WDFY4: variants seen among roughly 807,000 people sequenced by gnomAD.
WDFY4 encodes WD repeat- and FYVE domain-containing protein 4.
In WDFY4, 169 loss-of-function variants were observed where a neutral mutation model predicts 351.9. That is an observed-to-expected ratio of 0.48 (90% CI 0.42 to 0.55). The LOEUF (loss-of-function observed/expected upper bound fraction) is 0.55, where lower values mean the gene tolerates loss of function less well. WDFY4 is among the 20% of genes least tolerant of loss of function. The probability of loss-of-function intolerance (pLI) is 0.00; values close to 1 mark genes in which losing one functional copy is unlikely to be tolerated. For missense variants in WDFY4, 3,803 were observed against 3,935.6 expected, an observed-to-expected ratio of 0.97 and a Z score of 0.90; for synonymous variants, 1,622 against 1,574.6, an observed-to-expected ratio of 1.03 and a Z score of -0.71.
intron 43 of WDFY4, 33 bp downstream of exon 43, chr10:48,877,232 T>G (rs899635641): frequency 5.9e-6 from 9 of 1,531,034 alleles, no homozygotes; most frequent in African/African-American, 1.4e-5. Flanking sequence ...CCTTTAAGAT[T>G]TTTAAGTTAG....
chr10:48,752,893 C>A (rs947921728), intron 12 of WDFY4, among the ~76,000 whole-genome samples: 1 of 152,002 alleles, frequency 6.6e-6, no homozygotes, highest in African/African-American at 2.4e-5. Flanking sequence ...GAATATATAC[C>A]TAGGAGTAGA....
At chr10:48,917,916 T>C (rs1838698783) in intron 47 of WDFY4, among the ~76,000 whole-genome samples, 1 of 152,218 alleles carries the variant, frequency 6.6e-6, no homozygotes, top group Admixed American at 6.5e-5. Context: ...GTTGTCAAAG[T>C]ATGTAGATGT....
rs572173980 is a variant in WDFY4 at position 48,964,675 on chromosome 10, C to G, written c.8436+621C>G. 1.8e-3 allele frequency among the ~76,000 whole-genome samples: 272 copies of G among 152,352 alleles called. 1 individual carries two copies. Among genetic ancestry groups the G allele is most frequent in the African/African-American group, 6.0e-3 (249 of 41,584 alleles). On this transcript the variant is annotated intron_variant, in intron 54 of 61. Coordinates refer to ENST00000325239, the MANE Select transcript of WDFY4 (RefSeq NM_001394531.1). ...CTCTGGTGAAATTGTGAAGTCTCACCTGGGCCTTCTACTCTGCTGGCTCTG... is the reference window on the plus strand; with the variant it reads ...CTCTGGTGAAATTGTGAAGTCTCACGTGGGCCTTCTACTCTGCTGGCTCTG...
At chr10:48,854,811 C>G (rs2069080934) in intron 39 of WDFY4, among the ~76,000 whole-genome samples, 1 of 152,192 alleles carries the variant, frequency 6.6e-6, no homozygotes, top group South Asian at 2.1e-4. Flanking sequence ...AGGCCTATCC[C>G]TCTGCTGCAA....
chr10:48,796,561 G>A, intron 24 of WDFY4, 111 bp downstream of exon 24: 1 of 1,412,148 alleles, frequency 7.1e-7, no homozygotes, highest in Non-Finnish European at 9.4e-7. Flanking sequence ...AGTCATGATG[G>A]TAGGGAGAGG....
At position 48,946,871 on chromosome 10, in the gene WDFY4, G is replaced by T; in HGVS notation, c.7879G>T (p.Val2627Phe). The T allele has an allele frequency of 6.4e-7, 1 of 1,551,928 alleles. No homozygotes were observed. The highest frequency in any genetic ancestry group is 8.7e-7 in the Non-Finnish European group (1 of 1,147,016). ...EVEKTEGDMT[V>F]QCHYYTHYSS... ...TGTTTTTGTTGCAGGAGACATGACT[G>T]TCCAGTGCCACTACTACACCCACTA... The change falls in exon 51 of 62, where the codon GTC becomes TTC. Residue 2627 changes from valine to phenylalanine, a missense_variant. Around this residue, in one of 3 missense-constraint regions of WDFY4, gnomAD observed 3,054 missense variants for 3,148.6 expected, o/e 0.97. Transcript: ENST00000325239.
chr10:48,723,502 G>C lies in WDFY4; in HGVS notation c.526G>C (p.Val176Leu). 1 of 1,551,580 alleles carries C rather than the reference G, an allele frequency of 6.4e-7. No individual in the cohort carries two copies. Among genetic ancestry groups the C allele is most frequent in the South Asian group, 1.2e-5 (1 of 84,050 alleles). Residue 176 changes from valine to leucine, a missense_variant, in exon 5 of 62, where the codon GTC becomes CTC. By Grantham distance (32) the Val-to-Leu change is conservative. This residue lies in a region of WDFY4 where 488 missense variants were observed against 456.8 expected (regional missense o/e 1.07). Coordinates refer to ENST00000325239, the MANE Select transcript of WDFY4 (RefSeq NM_001394531.1). ...LLLQCLYLFF[V>L]FPLDKDELLE... ...CCTACAGTGCCTTTACCTCTTCTTT[G>C]TCTTTCCTCTGGACAAAGATGAGCT...
chr10:48,725,405 T>C (rs909423877), intron 5 of WDFY4, among the ~76,000 whole-genome samples: 1 of 152,166 alleles, frequency 6.6e-6, no homozygotes, highest in Non-Finnish European at 1.5e-5. Context: ...AGTCCCTCTG[T>C]TAGCCATCAG....
intron 40 of WDFY4, among the ~76,000 whole-genome samples, chr10:48,872,607 T>C (rs2069825588): frequency 6.6e-6 from 1 of 152,256 alleles, no homozygotes; most frequent in East Asian, 1.9e-4. Flanking sequence ...ATTTGAATAA[T>C]TGCAAAAGTG....
intron 39 of WDFY4, among the ~76,000 whole-genome samples, chr10:48,861,339 C>A (rs923607449): frequency 6.6e-6 from 1 of 152,112 alleles, no homozygotes; most frequent in Non-Finnish European, 1.5e-5. Flanking sequence ...CATTTACCTT[C>A]TGTTTAAAGA....
chr10:48,728,316 C>T (rs1386557136), intron 7 of WDFY4, among the ~76,000 whole-genome samples: 1 of 152,230 alleles, frequency 6.6e-6, no homozygotes, highest in Non-Finnish European at 1.5e-5. Context: ...GGGCTGGCTC[C>T]TTGCCTTCCA....
chr10:48,811,099 C>T (rs938935650), intron 29 of WDFY4, among the ~76,000 whole-genome samples: 1 of 152,202 alleles, frequency 6.6e-6, no homozygotes, highest in Non-Finnish European at 1.5e-5. Context: ...TGAGGGGTCT[C>T]CCTGAATTGG....
chr10:48,799,494 C>T (rs967754915), intron 24 of WDFY4, among the ~76,000 whole-genome samples: 17 of 152,016 alleles, frequency 1.1e-4, no homozygotes, highest in African/African-American at 3.1e-4. Context: ...TAAGGAGAAA[C>T]GGCCGGGCTT....
chr10:48,737,529 C>T (rs2064711924), intron 11 of WDFY4, among the ~76,000 whole-genome samples: 1 of 152,120 alleles, frequency 6.6e-6, no homozygotes, highest in African/African-American at 2.4e-5. Flanking sequence ...GTGAGCTGTT[C>T]CAGTTATTAT....
At chr10:48,794,589 G>T (rs765945001) in intron 23 of WDFY4, among the ~76,000 whole-genome samples, 11 of 151,636 alleles carry the variant, frequency 7.3e-5, no homozygotes, top group Non-Finnish European at 1.5e-4. Flanking sequence ...GGTTGAGGGG[G>T]AAACAAAGAG....
At chr10:48,710,646 T>A (rs945505678) in intron 2 of WDFY4, among the ~76,000 whole-genome samples, 4 of 152,220 alleles carry the variant, frequency 2.6e-5, no homozygotes, top group Non-Finnish European at 5.9e-5. Context: ...CACAGGTGGC[T>A]GGCAACCTCA....
intron 1 of WDFY4, among the ~76,000 whole-genome samples, chr10:48,688,314 A>G (rs2063107893): frequency 6.6e-6 from 1 of 152,192 alleles, no homozygotes; most frequent in Non-Finnish European, 1.5e-5. Flanking sequence ...TTACTCATTC[A>G]TATAAATTTC....
At chr10:48,709,606 A>G in intron 1 of WDFY4, 110 bp from the exon 2 acceptor site, 1 of 914,918 alleles carries the variant, frequency 1.1e-6, no homozygotes, top group South Asian at 1.7e-5. Context: ...TTCTTAGGGG[A>G]ACCATTTTCA....
At chr10:48,900,538 C>T (rs769557017) in intron 46 of WDFY4, among the ~76,000 whole-genome samples, 1 of 152,206 alleles carries the variant, frequency 6.6e-6, no homozygotes. Flanking sequence ...GCTCCATTTT[C>T]CTGAACTGAA....
Sources: allele counts gnomAD v4.1 joint callset (sites outside exome capture counted in the v4.1 genomes callset), GRCh38; gene constraint gnomAD v4.1.1; regional missense constraint gnomAD v4.1.1; transcripts MANE v1.5; gene names NCBI Gene and HGNC (gene_info 2026-07-23, HGNC 2026-07-21).